Variants in TSHZ2 observed in about 807,000 individuals in gnomAD.
The protein encoded by TSHZ2 is teashirt homolog 2.
TSHZ2 carries 21 observed loss-of-function variants against 74.4 expected under a neutral mutation model. The observed-to-expected ratio is 0.28, with a 90% CI of 0.20 to 0.41. The LOEUF is 0.41. TSHZ2 is among the 10% of genes least tolerant of loss of function. The probability of loss-of-function intolerance (pLI) is 1.00; values close to 1 mark genes in which losing one functional copy is unlikely to be tolerated. For missense variants in TSHZ2, 1,244 were observed against 1,293.5 expected (o/e 0.96, Z 0.59); for synonymous variants, 540 against 515.3 (o/e 1.05, Z -0.65).
intron 1 of TSHZ2, among the ~76,000 whole-genome samples, chr20:53,237,780 T>C (rs1354565708): frequency 2.0e-5 from 3 of 152,142 alleles, no homozygotes; most frequent in African/African-American, 4.8e-5. Context: ...TAAAGCAGAT[T>C]TTTGACCCAG....
chr20:53,346,427 C>G (rs963096482), intron 2 of TSHZ2, among the ~76,000 whole-genome samples: 1 of 152,204 alleles, frequency 6.6e-6, no homozygotes, highest in African/African-American at 2.4e-5. Flanking sequence ...CTGGAATGTC[C>G]TCTTTCCAGA....
At chr20:53,343,536 G>A (rs958119382) in intron 2 of TSHZ2, among the ~76,000 whole-genome samples, 1 of 152,202 alleles carries the variant, frequency 6.6e-6, no homozygotes, top group African/African-American at 2.4e-5. Context: ...CTCCAGCAGG[G>A]TTTGTAAAGA....
chr20:53,402,334 G>C (rs118048541), intron 2 of TSHZ2, among the ~76,000 whole-genome samples: 2 of 152,268 alleles, frequency 1.3e-5, no homozygotes, highest in East Asian at 3.9e-4. Context: ...TCTTTTCTAT[G>C]TTTAGATGTA....
intron 2 of TSHZ2, among the ~76,000 whole-genome samples, chr20:53,297,515 T>A (rs1991401661): frequency 6.6e-6 from 1 of 152,192 alleles, no homozygotes; most frequent in Admixed American, 6.5e-5. Flanking sequence ...CATGAGCCTA[T>A]AAAATGCTGC....
intron 2 of TSHZ2, among the ~76,000 whole-genome samples, chr20:53,276,933 C>G (rs1465005230): frequency 6.6e-6 from 1 of 152,148 alleles, no homozygotes; most frequent in Non-Finnish European, 1.5e-5. Context: ...GCTTACTGCA[C>G]AAAATCAAGT....
At chr20:53,327,875 G>A (rs1245542751) in intron 2 of TSHZ2, among the ~76,000 whole-genome samples, 4 of 152,242 alleles carry the variant, frequency 2.6e-5, no homozygotes, top group East Asian at 1.9e-4. Context: ...GACCTGTGCA[G>A]TGAGGAGTCA....
intron 1 of TSHZ2, among the ~76,000 whole-genome samples, chr20:53,065,465 C>A (rs1330019745): frequency 6.6e-6 from 1 of 152,114 alleles, no homozygotes; most frequent in Non-Finnish European, 1.5e-5. Flanking sequence ...AAGGTGAAAA[C>A]GGAATAATGA....
intron 1 of TSHZ2, among the ~76,000 whole-genome samples, chr20:53,229,513 T>A (rs1232627185): frequency 1.3e-5 from 2 of 152,218 alleles, no homozygotes; most frequent in Admixed American, 6.5e-5. Context: ...CCTGCAAAGT[T>A]CTAATCGTCA....
At chr20:53,137,503 C>A (rs913876920) in intron 1 of TSHZ2, among the ~76,000 whole-genome samples, 1 of 152,058 alleles carries the variant, frequency 6.6e-6, no homozygotes, top group Non-Finnish European at 1.5e-5. Context: ...ACTGCCCCTC[C>A]ATTAAGGAGC....
chr20:53,463,905 T>C (rs1026376074), intron 2 of TSHZ2, among the ~76,000 whole-genome samples: 3 of 152,218 alleles, frequency 2.0e-5, no homozygotes, highest in East Asian at 3.8e-4. Flanking sequence ...ATATAATTGG[T>C]AAAACACAGG....
chr20:53,478,334 G>A (rs74582761), intron 2 of TSHZ2, among the ~76,000 whole-genome samples: 29,838 of 150,656 alleles, frequency 0.2, 3,116 homozygotes, highest in East Asian at 0.29. Context: ...ATGCAGCCAT[G>A]AAAATGGATG....
At chr20:53,009,384 C>T (rs1459245186) in intron 1 of TSHZ2, among the ~76,000 whole-genome samples, 1 of 152,026 alleles carries the variant, frequency 6.6e-6, no homozygotes, top group African/African-American at 2.4e-5. Context: ...ATATCCTGTA[C>T]AGTGCTCACT....
intron 1 of TSHZ2, among the ~76,000 whole-genome samples, chr20:53,229,078 C>T (rs952296106): frequency 6.6e-6 from 1 of 152,160 alleles, no homozygotes; most frequent in Non-Finnish European, 1.5e-5. Context: ...GGAATCAGAA[C>T]AGGAGCATTT....
intron 1 of TSHZ2, among the ~76,000 whole-genome samples, chr20:53,126,882 A>G (rs1986962343): frequency 6.6e-6 from 1 of 152,168 alleles, no homozygotes; most frequent in South Asian, 2.1e-4. Flanking sequence ...AGGAAGGGGA[A>G]GTGAAGGAAG....
intron 2 of TSHZ2, among the ~76,000 whole-genome samples, chr20:53,363,725 A>T (rs1439720063): frequency 6.6e-6 from 1 of 152,222 alleles, no homozygotes; most frequent in Non-Finnish European, 1.5e-5. Flanking sequence ...AGGTGGGAAG[A>T]TTGCTTGAGC....
intron 2 of TSHZ2, among the ~76,000 whole-genome samples, chr20:53,429,572 G>A (rs1222609087): frequency 1.3e-5 from 2 of 152,160 alleles, no homozygotes; most frequent in African/African-American, 4.8e-5. Flanking sequence ...TGATTGTGAG[G>A]CCTCCTCAGC....
chr20:53,433,373 A>C (rs573888539), intron 2 of TSHZ2, among the ~76,000 whole-genome samples: 5 of 152,056 alleles, frequency 3.3e-5, no homozygotes, highest in African/African-American at 1.2e-4. Context: ...TCTCTACAAA[A>C]AGTTTAAAAC....
Position 53,145,506 on chromosome 20 carries a change from G to A in TSHZ2, c.41-107993G>A, listed in dbSNP as rs73620424. Among the ~76,000 whole-genome samples, 17 of 152,308 alleles carry A rather than the reference G, an allele frequency of 1.1e-4. 1 individual carries two copies. In the East Asian group the frequency reaches 2.7e-3, roughly 24 times the overall value. ...AATAGCAGAGTGGGGCCATAAGACA[G>A]GAAGGGAAGGATGTTAATGAAGGGT... On this transcript the variant is annotated intron_variant, in intron 1 of 2. Transcript: ENST00000371497.
chr20:53,069,581 G>C (rs866080975), intron 1 of TSHZ2, among the ~76,000 whole-genome samples: 42 of 151,786 alleles, frequency 2.8e-4, no homozygotes, highest in African/African-American at 9.2e-4. Flanking sequence ...AGGGGAAACG[G>C]GTTAACAAAA....
Sources: allele counts gnomAD v4.1 joint callset (sites outside exome capture counted in the v4.1 genomes callset), GRCh38; gene constraint gnomAD v4.1.1; transcripts MANE v1.5; gene names NCBI Gene and HGNC (gene_info 2026-07-23, HGNC 2026-07-21).